The following INSRR variants were observed in gnomAD, a reference collection of about 807,000 sequenced individuals.
The protein encoded by INSRR is insulin receptor related receptor.
INSRR carries 114 observed loss-of-function variants against 130.0 expected under a neutral mutation model. The observed-to-expected ratio is 0.88, with a 90% CI of 0.75 to 1.02. The LOEUF (loss-of-function observed/expected upper bound fraction) is 1.02, where lower values mean the gene tolerates loss of function less well. Among genes scored for constraint, INSRR ranks in the 50% least tolerant of loss-of-function variants. The pLI, the probability that INSRR is intolerant of heterozygous loss-of-function variation, is 0.00. For missense variants in INSRR, 1,657 were observed against 1,735.2 expected, an observed-to-expected ratio of 0.95 and a Z score of 0.80; for synonymous variants, 674 against 705.2, an observed-to-expected ratio of 0.96 and a Z score of 0.70.
In INSRR at chr1:156,841,177, G is replaced by T. The variant is rs552439453; in HGVS notation, c.3663-73C>A. On this transcript the variant is annotated intron_variant, in intron 21 of 21. Coordinates refer to ENST00000368195, the MANE Select transcript of INSRR (RefSeq NM_014215.3). Reference sequence around the variant, plus strand: ...ACGCTCTCAGCCTCCTGCACTGAGGGTCAGTTGGTGGGAGTGGGGATCGTG... The same window carrying T: ...ACGCTCTCAGCCTCCTGCACTGAGGTTCAGTTGGTGGGAGTGGGGATCGTG... The T allele has an allele frequency of 2.5e-6, 3 of 1,224,440 alleles. No homozygotes were observed. The South Asian group carries it at 3.9e-5, about 16-fold the overall frequency. The allele number at this position is 1,224,440 out of a possible 1,614,324, so 75.8% of individuals were successfully genotyped here. A position where few individuals can be genotyped will look rare whatever the true frequency, so the allele number is the denominator to read the frequency against.
chr1:156,844,295 G>A lies in INSRR; in HGVS notation c.2738-15C>T, dbSNP rs997138313. On this transcript the variant is annotated splice_polypyrimidine_tract_variant and intron_variant, in intron 14 of 21. Coordinates refer to ENST00000368195, the MANE Select transcript of INSRR (RefSeq NM_014215.3). ...ATCCTCCTCCTCTGGCAGTCAGAGG[G>A]CAGCAGAGGGTAGAGTCAAAGATGT... The A allele has an allele frequency of 1.9e-6, 3 of 1,594,860 alleles. No individual in the cohort carries two copies. Among genetic ancestry groups the A allele is most frequent in the Non-Finnish European group, 2.6e-6 (3 of 1,163,490 alleles).
At position 156,854,409 on chromosome 1, in the gene INSRR, G is replaced by A; in HGVS notation, c.86-106C>T. 1 of 1,192,574 alleles carries A rather than the reference G, an allele frequency of 8.4e-7. No individual in the cohort carries two copies. The highest frequency in any genetic ancestry group is 1.5e-5 in the South Asian group (1 of 67,018). The allele number at this position is 1,192,574 out of a possible 1,614,324, so 73.9% of individuals were successfully genotyped here. A position where few individuals can be genotyped will look rare whatever the true frequency, so the allele number is the denominator to read the frequency against. ...CCACACTGGCAGTAGGACAATGAGT[G>A]AGGAGCCGGGCTCTGCTCTGGGTGT... On this transcript the variant is annotated intron_variant, in intron 1 of 21. Coordinates refer to ENST00000368195, the MANE Select transcript of INSRR (RefSeq NM_014215.3). The surrounding 1 kb of genome is among the most constrained non-coding windows in gnomAD (Gnocchi z 4.2).
intron 5 of INSRR, 126 bp downstream of exon 5, chr1:156,851,164 C>G: frequency 1.0e-6 from 1 of 979,000 alleles, no homozygotes; most frequent in Non-Finnish European, 1.6e-6. Flanking sequence ...AGAAGTTAAC[C>G]TACTTAGAGT....
intron 1 of INSRR, among the ~76,000 whole-genome samples, chr1:156,856,235 T>G (rs1433480622): frequency 6.6e-6 from 1 of 152,188 alleles, no homozygotes; most frequent in Non-Finnish European, 1.5e-5. Flanking sequence ...TAATTCATGT[T>G]GTACCCTAGT....
rs765724939 is a variant in INSRR at position 156,852,073 on chromosome 1, G to A, written c.756C>T (p.Leu252=). 2.6e-5 allele frequency: 42 copies of A among 1,613,576 alleles called. No homozygotes were observed. Among genetic ancestry groups the A allele is most frequent in the Non-Finnish European group, 3.6e-5 (42 of 1,180,000 alleles). ...DPRACVACRH[L]YFQGACLWAC... ...CCCACAGGCAGGCACCCTGGAAGTA[G>A]AGGTGGCGGCAAGCTACACAGGCAC... Residue 252 remains leucine (L), a synonymous_variant, in exon 3 of 22, where the codon CTC becomes CTT. Transcript: ENST00000368195.
chr1:156,841,206 C>T, intron 21 of INSRR, 102 bp from the exon 22 acceptor site: 1 of 1,041,988 alleles, frequency 9.6e-7, no homozygotes, highest in Non-Finnish European at 1.4e-6. Context: ...GATCGTGGGC[C>T]ATTATGCCTG....
At position 156,847,452 on chromosome 1, in the gene INSRR, G is replaced by C. The variant is rs75828193; in HGVS notation, c.1572-695C>G. On this transcript the variant is annotated intron_variant, in intron 7 of 21. Transcript: ENST00000368195. Reference sequence around the variant, plus strand: ...GGGAGATGACAGTGGGCCCCCCATGGGAGATAGCAGAACAGACCATGGGAG... The same window carrying C: ...GGGAGATGACAGTGGGCCCCCCATGCGAGATAGCAGAACAGACCATGGGAG... Among the ~76,000 whole-genome samples, 1,060 of 152,262 alleles carry C rather than the reference G, an allele frequency of 7.0e-3. 16 individuals carry two copies. The highest frequency in any genetic ancestry group is 0.024 in the African/African-American group (1,001 of 41,526).
intron 20 of INSRR, 46 bp downstream of exon 20, chr1:156,841,619 T>C (rs1654787340): frequency 1.9e-6 from 3 of 1,609,728 alleles, no homozygotes; most frequent in Non-Finnish European, 2.5e-6. Flanking sequence ...CCTCCCCAGA[T>C]CCCGCCTCCA....
At chr1:156,842,349 C>T (rs761017753) in intron 18 of INSRR, 49 bp downstream of exon 18, 1 of 1,612,930 alleles carries the variant, frequency 6.2e-7, no homozygotes, top group Admixed American at 1.7e-5. Context: ...CCACCTCCCA[C>T]ACTGTGCCCA....
In INSRR at chr1:156,854,131, G is replaced by A. The variant is rs771118104; in HGVS notation, c.258C>T (p.Phe86=). The change falls in exon 2 of 22, where the codon TTC becomes TTT. Residue 86 remains phenylalanine, a synonymous_variant. Coordinates refer to ENST00000368195, the MANE Select transcript of INSRR (RefSeq NM_014215.3). This position sits in a 1 kb window ranked among gnomAD's most constrained non-coding sequence, Gnocchi z 4.2. ...LTQVTDYLLL[F]RVYGLESLRD... ...GCAGGCTCTCCAGTCCGTAGACACG[G>A]AAGAGCAGCAGGTAGTCGGTGACCT... The A allele has an allele frequency of 1.2e-5, 20 of 1,614,068 alleles. No homozygotes were observed. The South Asian group carries it at 2.2e-4, about 18-fold the overall frequency.
chr1:156,849,118 C>T, intron 6 of INSRR, 71 bp from the exon 7 acceptor site: 5 of 1,597,228 alleles, frequency 3.1e-6, no homozygotes, highest in South Asian at 1.1e-5. Context: ...GACCCCGCGG[C>T]ATCCCATTCC....
At chr1:156,849,191 T>G in intron 6 of INSRR, 55 bp downstream of exon 6, 1 of 1,603,912 alleles carries the variant, frequency 6.2e-7, no homozygotes. Context: ...CTCCCCCGGG[T>G]GTGCGTGTCT....
chr1:156,841,856 C>A (rs1654801244), intron 19 of INSRR, 62 bp from the exon 20 acceptor site: 2 of 1,612,824 alleles, frequency 1.2e-6, no homozygotes, highest in South Asian at 2.2e-5. Context: ...CTAGCTCCTG[C>A]CCCTGGGATA....
In INSRR at chr1:156,851,836, C is replaced by T. The variant is rs750873898; in HGVS notation, c.942-48G>A. 3 of 1,579,008 alleles carry T rather than the reference C, an allele frequency of 1.9e-6. No homozygotes were observed. In the South Asian group the frequency reaches 3.5e-5, roughly 19 times the overall value. On this transcript the variant is annotated intron_variant, in intron 3 of 21. Coordinates refer to ENST00000368195, the MANE Select transcript of INSRR (RefSeq NM_014215.3). ...CTGAGCCTTGGACCAGTTTGGGCCT[C>T]CTCAGGCCTCCTCACTGCTCCCAGG...
rs1654754757 is a variant in INSRR at position 156,840,950 on chromosome 1, G to T, written c.3817C>A (p.Pro1273Thr). The change falls in exon 22 of 22, where the codon CCT becomes ACT. Residue 1273 changes from proline (P) to threonine (T), a missense_variant. Coordinates refer to ENST00000368195, the MANE Select transcript of INSRR (RefSeq NM_014215.3). ...GAGTCAGGCTCTGCATCGGTGGTAG[G>T]CAGGGAGCCCCGGGCCCCCCGGCAT... is the stretch of plus-strand genomic sequence containing the variant. ...PECRGARGSL[P>T]TTDAEPDSSP... is the part of the protein sequence containing the mutation. 1.1e-5 allele frequency: 18 copies of T among 1,614,000 alleles called. No individual in the cohort carries two copies. The highest frequency in any genetic ancestry group is 1.5e-5 in the Non-Finnish European group (18 of 1,179,978).
rs746834062 is a variant in INSRR at position 156,849,509 on chromosome 1, G to C, written c.1230-49C>G. On this transcript the variant is annotated intron_variant, in intron 5 of 21. Transcript: ENST00000368195. ...CTCTGCGGGGAGGTGGGGGCAGGGGGTGGGAAAGGGGATGGCTTATGGGTT... is the reference window on the plus strand; with the variant it reads ...CTCTGCGGGGAGGTGGGGGCAGGGGCTGGGAAAGGGGATGGCTTATGGGTT... 12 of 1,105,738 alleles carry C rather than the reference G, an allele frequency of 1.1e-5. No homozygotes were observed. The African/African-American group carries it at 1.4e-4, about 13-fold the overall frequency. 68.5% of individuals were successfully genotyped at this position (1,105,738 alleles called of 1,614,324 possible).
At position 156,851,773 on chromosome 1, in the gene INSRR, C is replaced by A. The variant is rs1163991925; in HGVS notation, c.957G>T (p.Lys319Asn). ...TRNSSSIFCH[K>N]CEGLCPKECK... ...ACTCTTTAGGGCACAGCCCCTCGCA[C>A]TTGTGGCAGAATATGCTAGCAGGAG... Residue 319 changes from lysine (K) to asparagine (N), a missense_variant, in exon 4 of 22, where the codon AAG becomes AAT. Physicochemically the swap from Lys to Asn is moderately conservative, Grantham distance 94. Coordinates refer to ENST00000368195, the MANE Select transcript of INSRR (RefSeq NM_014215.3). 2 of 1,610,454 alleles carry A rather than the reference C, an allele frequency of 1.2e-6. No individual in the cohort carries two copies. The highest frequency in any genetic ancestry group is 2.2e-5 in the South Asian group (2 of 90,924).
chr1:156,846,012 C>G lies in INSRR; in HGVS notation c.1918G>C (p.Val640Leu). Residue 640 changes from valine to leucine, a missense_variant, in exon 9 of 22, where the codon GTG (valine) becomes CTG (leucine). Physicochemically the swap from Val to Leu is conservative, Grantham distance 32. Coordinates refer to ENST00000368195, the MANE Select transcript of INSRR (RefSeq NM_014215.3). Reference sequence around the variant, plus strand: ...TCCTCTGCCAGCCGCTGCCACAGCACCAGGTAGTAGGTGAGGTTCCCATTG... The same window carrying G: ...TCCTCTGCCAGCCGCTGCCACAGCAGCAGGTAGTAGGTGAGGTTCCCATTG... Reference protein sequence around the residue: ...QRNGNLTYYLVLWQRLAEDGD... With the variant: ...QRNGNLTYYLLLWQRLAEDGD... 2 of 1,614,094 alleles carry G rather than the reference C, an allele frequency of 1.2e-6. No individual in the cohort carries two copies. The highest frequency in any genetic ancestry group is 1.3e-5 in the African/African-American group (1 of 75,034).
intron 5 of INSRR, 117 bp from the exon 6 acceptor site, chr1:156,849,577 A>G (rs957153941): frequency 2.8e-6 from 2 of 719,494 alleles, no homozygotes; most frequent in African/African-American, 3.5e-5. Context: ...AGGGGCACTC[A>G]GTGGCTGGCT....
Sources: gnomAD v4.1 joint callset for allele counts (sites outside exome capture counted in the v4.1 genomes callset) on GRCh38, gnomAD v4.1.1 for gene constraint, Gnocchi (gnomAD v3.1) non-coding constraint, MANE v1.5 for transcripts, NCBI Gene and HGNC (gene_info 2026-07-23, HGNC 2026-07-21) for gene names.